The following CERKL variants were observed in gnomAD, a reference collection of about 807,000 sequenced individuals.
CERKL encodes ceramide kinase-like protein.
A neutral mutation model predicts 63.4 loss-of-function variants in CERKL; 61 were observed. The ratio of observed to expected loss-of-function variants is 0.96; its 90% CI spans 0.78 to 1.19. CERKL has a LOEUF of 1.19. CERKL is among the 50% of genes most tolerant of loss of function. The pLI is 0.00. For missense variants in CERKL, 675 were observed against 655.5 expected (o/e 1.03, Z -0.33); for synonymous variants, 250 against 230.5 (o/e 1.08, Z -0.77).
At chr2:181,538,783 T>C (rs1264962704) in intron 12 of CERKL, among the ~76,000 whole-genome samples, 9 of 152,324 alleles carry the variant, frequency 5.9e-5, no homozygotes, top group Non-Finnish European at 1.2e-4. Context: ...AAGATCTTGA[T>C]CCATTTTTAA....
At chr2:181,590,684 G>A (rs1305388878) in intron 2 of CERKL, among the ~76,000 whole-genome samples, 1 of 152,126 alleles carries the variant, frequency 6.6e-6, no homozygotes, top group East Asian at 1.9e-4. Context: ...TTGAAAAGAT[G>A]CTGAACTTTA....
intron 1 of CERKL, among the ~76,000 whole-genome samples, chr2:181,614,782 G>T (rs1202991404): frequency 6.6e-6 from 1 of 151,820 alleles, no homozygotes; most frequent in Admixed American, 6.6e-5. Context: ...ACATACTTTG[G>T]GGCATGTATT....
chr2:181,555,943 G>T (rs1688183886), intron 5 of CERKL, among the ~76,000 whole-genome samples: 1 of 151,792 alleles, frequency 6.6e-6, no homozygotes. Flanking sequence ...AGTAGAGATA[G>T]GGTTTCACCA....
rs200711686 is a variant in CERKL, at chr2:181,603,943, G to C, written c.375C>G (p.Cys125Trp). ...GTLLGITLFI[C>W]LKKEQNKLKN... ...TTAGTTTATTTTGTTCCTTTTTCAA[G>C]CAGATGAAGAGTGTGATACCTAATA... is the stretch of plus-strand genomic sequence containing the variant. The change falls in exon 2 of 13, where the codon TGC becomes TGG. Residue 125 changes from cysteine to tryptophan, a missense_variant. Coordinates refer to ENST00000410087, the MANE Select transcript of CERKL (RefSeq NM_201548.5). 570 of 1,612,986 alleles carry C rather than the reference G, an allele frequency of 3.5e-4. 1 individual carries two copies. Among genetic ancestry groups the C allele is most frequent in the Non-Finnish European group, 2.5e-5 (29 of 1,179,572 alleles).
At chr2:181,593,274 A>ATAAT in intron 2 of CERKL, among the ~76,000 whole-genome samples, 1 of 152,152 alleles carries the variant, frequency 6.6e-6, no homozygotes, top group East Asian at 1.9e-4. Context: ...GTAAAAAGAG[A>ATAAT]TAAATAGAGG....
intron 2 of CERKL, among the ~76,000 whole-genome samples, chr2:181,576,671 G>T (rs1277163865): frequency 6.6e-6 from 1 of 152,184 alleles, no homozygotes; most frequent in Non-Finnish European, 1.5e-5. Flanking sequence ...ATAAAGTAGG[G>T]CCAAGGGCCA....
chr2:181,608,481 T>A (rs535232657), intron 1 of CERKL, among the ~76,000 whole-genome samples: 12 of 151,892 alleles, frequency 7.9e-5, no homozygotes, highest in Non-Finnish European at 1.5e-4. Flanking sequence ...AAAATGAAAG[T>A]GATGAAATAA....
At chr2:181,598,056 G>A (rs558902121) in intron 2 of CERKL, among the ~76,000 whole-genome samples, 7 of 152,296 alleles carry the variant, frequency 4.6e-5, no homozygotes, top group South Asian at 2.1e-4. Flanking sequence ...TGTTGAAGAC[G>A]CAGCAGTGGT....
At chr2:181,610,626 A>G (rs1574496428) in intron 1 of CERKL, among the ~76,000 whole-genome samples, 2 of 152,222 alleles carry the variant, frequency 1.3e-5, no homozygotes, top group African/African-American at 4.8e-5. Context: ...GTAGAATAAA[A>G]GCAAGTTACA....
chr2:181,545,639 AGTTTAAGT>A, intron 10 of CERKL, among the ~76,000 whole-genome samples: 1 of 152,302 alleles, frequency 6.6e-6, no homozygotes, highest in East Asian at 1.9e-4. Context: ...GACAACTCCA[AGTTTAAGT>A]GATTTGTTCA....
At position 181,538,156 on chromosome 2, in the gene CERKL, G is replaced by A. The variant is rs1342955139; in HGVS notation, c.*28C>T. 1.4e-6 allele frequency: 2 copies of A among 1,430,636 alleles called. No individual in the cohort carries two copies. The highest frequency in any genetic ancestry group is 2.0e-6 in the Non-Finnish European group (2 of 1,018,098). The allele number at this position is 1,430,636 out of a possible 1,614,324, so 88.6% of individuals were successfully genotyped here. On this transcript the variant is annotated 3_prime_UTR_variant, in exon 13 of 13. Coordinates refer to ENST00000410087, the MANE Select transcript of CERKL (RefSeq NM_201548.5). Reference sequence around the variant, plus strand: ...TTTCTTTATATTAAAATTCTAGTTTGTACATTTCTTTTAGAAACAATTACA... The same window carrying A: ...TTTCTTTATATTAAAATTCTAGTTTATACATTTCTTTTAGAAACAATTACA...
In CERKL at chr2:181,656,940, G is replaced by A. The variant is rs1688200674; in HGVS notation, c.67C>T (p.Pro23Ser). ...LEGGREEEAP[P>S]EAAAVPPALL... is the part of the protein sequence containing the mutation. ...GCCGGAGGCACAGCGGCAGCCTCCG[G>A]GGGCGCCTCTTCCTCCCGGCCGCCC... The change falls in exon 1 of 13, where the codon CCG becomes TCG. Residue 23 changes from proline to serine, a missense_variant. Coordinates refer to ENST00000410087, the MANE Select transcript of CERKL (RefSeq NM_201548.5). 4 of 1,589,028 alleles carry A rather than the reference G, an allele frequency of 2.5e-6. No individual in the cohort carries two copies. The highest frequency in any genetic ancestry group is 2.6e-6 in the Non-Finnish European group (3 of 1,166,828).
At position 181,656,919 on chromosome 2, in the gene CERKL, G is replaced by A. The variant is rs773891923; in HGVS notation, c.88C>T (p.Pro30Ser). 1.3e-6 allele frequency: 2 copies of A among 1,598,660 alleles called. No homozygotes were observed. The highest frequency in any genetic ancestry group is 1.7e-5 in the Admixed American group (1 of 59,652). Residue 30 changes from proline to serine, a missense_variant, in exon 1 of 13, where the codon CCG becomes TCG. Physicochemically the swap from Pro to Ser is moderately conservative, Grantham distance 74. Coordinates refer to ENST00000410087, the MANE Select transcript of CERKL (RefSeq NM_201548.5). The stretch of plus-strand genomic sequence containing the variant: ...TGCTGCGGGGACGTTAACAGCGCCG[G>A]AGGCACAGCGGCAGCCTCCGGGGGC... ...EAPPEAAAVP[P>S]ALLTSPQQTE...
intron 2 of CERKL, among the ~76,000 whole-genome samples, 154 bp from the exon 3 acceptor site, chr2:181,574,038 T>C (rs777006321): frequency 9.2e-5 from 14 of 152,206 alleles, no homozygotes; most frequent in Non-Finnish European, 1.8e-4. Context: ...ATTCTGAATA[T>C]AACTTTATTT....
At chr2:181,636,892 T>C (rs1687203100) in intron 1 of CERKL, among the ~76,000 whole-genome samples, 1 of 152,192 alleles carries the variant, frequency 6.6e-6, no homozygotes. Flanking sequence ...GCACACAAAA[T>C]AGATCATGTA....
chr2:181,592,590 C>T (rs1254776628), intron 2 of CERKL, among the ~76,000 whole-genome samples: 2 of 152,128 alleles, frequency 1.3e-5, no homozygotes, highest in African/African-American at 4.8e-5. Flanking sequence ...ATATGCTTCA[C>T]TGGATTTAAA....
At chr2:181,639,510 G>A (rs886339792) in intron 1 of CERKL, among the ~76,000 whole-genome samples, 3 of 152,098 alleles carry the variant, frequency 2.0e-5, no homozygotes, top group African/African-American at 7.2e-5. Context: ...ACTGGAAGTG[G>A]CCAGAGAAAT....
At chr2:181,564,628 T>C (rs1409547235) in intron 4 of CERKL, among the ~76,000 whole-genome samples, 3 of 152,190 alleles carry the variant, frequency 2.0e-5, no homozygotes, top group African/African-American at 4.8e-5. Context: ...GTAAAACATA[T>C]TGATAGATAC....
chr2:181,614,134 C>T (rs1434430355), intron 1 of CERKL, among the ~76,000 whole-genome samples: 1 of 152,164 alleles, frequency 6.6e-6, no homozygotes, highest in Non-Finnish European at 1.5e-5. Context: ...TCGCAGGCCA[C>T]TGGCTTCCTA....
Sources: gnomAD v4.1 joint callset for allele counts (sites outside exome capture counted in the v4.1 genomes callset) on GRCh38, gnomAD v4.1.1 for gene constraint, MANE v1.5 for transcripts, NCBI Gene and HGNC (gene_info 2026-07-23, HGNC 2026-07-21) for gene names.